PTK2: variants seen among roughly 807,000 people sequenced by gnomAD.
PTK2 encodes protein tyrosine kinase 2.
A neutral mutation model predicts 150.1 loss-of-function variants in PTK2; 45 were observed. The ratio of observed to expected loss-of-function variants is 0.30; its 90% CI spans 0.24 to 0.38. The LOEUF (loss-of-function observed/expected upper bound fraction) is 0.38. PTK2 is among the 10% of genes least tolerant of loss of function. The pLI, the probability that PTK2 is intolerant of heterozygous loss-of-function variation, is 1.00. For missense variants in PTK2, 919 were observed against 1,307.3 expected (o/e 0.70, Z 4.58); for synonymous variants, 432 against 449.2 (o/e 0.96, Z 0.48).
intron 20 of PTK2, among the ~76,000 whole-genome samples, chr8:140,741,992 C>T (rs2100055961): frequency 1.3e-5 from 2 of 152,096 alleles, no homozygotes; most frequent in African/African-American, 4.8e-5. Flanking sequence ...AAAAATTAGC[C>T]AGGCATGGTG....
chr8:140,716,970 T>C (rs955093968), intron 23 of PTK2, among the ~76,000 whole-genome samples: 5 of 152,074 alleles, frequency 3.3e-5, no homozygotes, highest in Admixed American at 6.6e-5. Flanking sequence ...GCCCAGCAAC[T>C]GTAAAAGGCC....
At position 140,902,125 on chromosome 8, in the gene PTK2, C is replaced by G. The variant is rs139999082; in HGVS notation, c.-32-11356G>C. Reference sequence around the variant, plus strand: ...CTTGGCTCACTGCAGCCTCTGACCCCCGGGTTCCAGTGATTCTCCTGCCTC... The same window carrying G: ...CTTGGCTCACTGCAGCCTCTGACCCGCGGGTTCCAGTGATTCTCCTGCCTC... On this transcript the variant is annotated intron_variant, in intron 2 of 31. Coordinates refer to ENST00000522684, the Ensembl canonical transcript of PTK2. Among the ~76,000 whole-genome samples, 313 of 152,168 alleles carry G rather than the reference C, an allele frequency of 2.1e-3. 2 individuals are homozygous for G. Among genetic ancestry groups the G allele is most frequent in the Middle Eastern group, 6.8e-3 (2 of 294 alleles).
intron 14 of PTK2, among the ~76,000 whole-genome samples, chr8:140,780,724 T>C (rs1206267892): frequency 6.6e-6 from 1 of 152,244 alleles, no homozygotes; most frequent in African/African-American, 2.4e-5. Flanking sequence ...GAACACTGAC[T>C]GGATAGCTGA....
Position 140,846,321 on chromosome 8 carries a change from G to A in PTK2, c.532C>T (p.Arg178Ter). 1 of 1,611,664 alleles carries A rather than the reference G, an allele frequency of 6.2e-7. No homozygotes were observed. Among genetic ancestry groups the A allele is most frequent in the Non-Finnish European group, 8.5e-7 (1 of 1,178,350 alleles). Residue 178 changes from arginine (R) to a stop codon, truncating the protein, a stop_gained and splice_region_variant, in exon 7 of 32, where the codon CGA becomes TGA. Coordinates refer to ENST00000522684, the Ensembl canonical transcript of PTK2. LOFTEE classifies it high-confidence loss of function. ...TTGCCCCGCATCTCCCAGTATGATCGCCTAAAATCAGGGAAGACATACATT... is the reference window on the plus strand; with the variant it reads ...TTGCCCCGCATCTCCCAGTATGATCACCTAAAATCAGGGAAGACATACATT...
At chr8:140,777,841 G>A (rs748512103) in intron 14 of PTK2, among the ~76,000 whole-genome samples, 6 of 152,240 alleles carry the variant, frequency 3.9e-5, no homozygotes, top group Middle Eastern at 6.8e-3. Flanking sequence ...CTGAACACGC[G>A]TTCTATGAAG....
chr8:140,768,695 A>G (rs1185504369), intron 14 of PTK2, among the ~76,000 whole-genome samples: 1 of 152,230 alleles, frequency 6.6e-6, no homozygotes, highest in Non-Finnish European at 1.5e-5. Context: ...TCAAGTCAGT[A>G]AAGTGTCACA....
At chr8:140,705,716 TA>T (rs1300160505) in intron 24 of PTK2, among the ~76,000 whole-genome samples, 1 of 152,264 alleles carries the variant, frequency 6.6e-6, no homozygotes, top group Non-Finnish European at 1.5e-5. Flanking sequence ...TCTATAAATC[TA>T]ACACTTTTCA....
chr8:140,924,586 T>C, intron 2 of PTK2, among the ~76,000 whole-genome samples: 1 of 152,324 alleles, frequency 6.6e-6, no homozygotes, highest in African/African-American at 2.4e-5. Context: ...GGTATATGTA[T>C]ATGCTGGACG....
At chr8:140,688,303 C>T (rs1038937580) in intron 26 of PTK2, among the ~76,000 whole-genome samples, 11 of 152,174 alleles carry the variant, frequency 7.2e-5, no homozygotes, top group Non-Finnish European at 1.5e-4. Context: ...GCGCACTCAA[C>T]ACATCAGTGT....
intron 31 of PTK2, among the ~76,000 whole-genome samples, chr8:140,661,387 T>C (rs2079687190): frequency 6.6e-6 from 1 of 151,968 alleles, no homozygotes; most frequent in African/African-American, 2.4e-5. Context: ...TGATGAGAGA[T>C]GGAAGGTGTG....
intron 23 of PTK2, among the ~76,000 whole-genome samples, chr8:140,708,881 T>TC (rs1301661727): frequency 1.3e-5 from 2 of 149,414 alleles, no homozygotes; most frequent in African/African-American, 4.9e-5. Context: ...GCTCTTGGAG[T>TC]CCAAGAATGG....
At chr8:140,830,339 C>A in intron 8 of PTK2, 133 bp downstream of exon 8, 1 of 615,430 alleles carries the variant, frequency 1.6e-6, no homozygotes. Flanking sequence ...GAATAAATGT[C>A]AGCTTTTTAA....
At chr8:140,674,233 A>G (rs758865633) in intron 29 of PTK2, 65 bp downstream of exon 32, 2 of 1,441,644 alleles carry the variant, frequency 1.4e-6, no homozygotes, top group East Asian at 2.3e-5. Context: ...GAACACATCA[A>G]CTGAGAACTA....
At chr8:140,764,423 C>A (rs898479104) in intron 14 of PTK2, 133 bp from the exon 17 acceptor site, 1 of 693,930 alleles carries the variant, frequency 1.4e-6, no homozygotes, top group Admixed American at 2.8e-5. Context: ...CACTATTACT[C>A]AAATTTTGCT....
intron 8 of PTK2, among the ~76,000 whole-genome samples, chr8:140,823,160 A>T (rs2100109820): frequency 6.6e-6 from 1 of 152,264 alleles, no homozygotes. Context: ...CAGGGACCAG[A>T]ACACAATGAC....
chr8:140,686,480 C>T, intron 27 of PTK2, 152 bp downstream of exon 30: 2 of 752,524 alleles, frequency 2.7e-6, no homozygotes, highest in Non-Finnish European at 4.4e-6. Flanking sequence ...GGCTGTACAT[C>T]ATAGATTTTC....
intron 23 of PTK2, among the ~76,000 whole-genome samples, chr8:140,715,180 T>G (rs1422997648): frequency 3.7e-5 from 5 of 133,694 alleles, no homozygotes; most frequent in Admixed American, 1.5e-4. Context: ...TTTTTTTTTT[T>G]TTTTTTTTTT....
intron 14 of PTK2, among the ~76,000 whole-genome samples, chr8:140,772,085 G>A (rs991191010): frequency 2.0e-5 from 3 of 151,990 alleles, no homozygotes; most frequent in Admixed American, 1.3e-4. Context: ...CACCGCGCCC[G>A]GCCGATCCCA....
intron 2 of PTK2, among the ~76,000 whole-genome samples, chr8:140,924,289 T>C (rs1179253373): frequency 6.6e-6 from 1 of 152,178 alleles, no homozygotes; most frequent in Non-Finnish European, 1.5e-5. Context: ...CAGACCACCC[T>C]GTCTGAAACT....
Sources: gnomAD v4.1 joint callset for allele counts (sites outside exome capture counted in the v4.1 genomes callset) on GRCh38, gnomAD v4.1.1 for gene constraint, MANE v1.5 for transcripts, NCBI Gene and HGNC (gene_info 2026-07-23, HGNC 2026-07-21) for gene names.